The following MFSD11 variants were observed in gnomAD, a reference collection of about 807,000 sequenced individuals.
The protein encoded by MFSD11 is UNC93-like protein MFSD11.
Under a neutral mutation model 53.5 loss-of-function variants are expected in MFSD11, and 36 were observed. The observed-to-expected ratio is 0.67, with a 90% CI of 0.52 to 0.89. The LOEUF is 0.89. MFSD11 is among the 40% of genes least tolerant of loss of function. MFSD11 has a pLI of 0.00. For synonymous variants in MFSD11, 186 were observed against 184.9 expected (o/e 1.01, Z -0.05); for missense variants, 530 against 543.9 (o/e 0.97, Z 0.25).
intron 5 of MFSD11, 150 bp downstream of exon 5, chr17:76,742,423 A>T: frequency 3.0e-6 from 2 of 673,834 alleles, no homozygotes; most frequent in Non-Finnish European, 5.1e-6. Flanking sequence ...TTATAGAATC[A>T]CTTGTAATAA....
intron 8 of MFSD11, among the ~76,000 whole-genome samples, chr17:76,758,784 C>G (rs1258312365): frequency 6.6e-6 from 1 of 151,998 alleles, no homozygotes; most frequent in Non-Finnish European, 1.5e-5. Context: ...ATTGTTACAA[C>G]TTAAGTATAA....
At position 76,762,632 on chromosome 17, in the gene MFSD11, G is replaced by A. The variant is rs2080374233; in HGVS notation, c.683-4754G>A. 3.3e-5 allele frequency among the ~76,000 whole-genome samples: 5 copies of A among 149,744 alleles called. No individual in the cohort carries two copies. The South Asian group carries it at 1.1e-3, about 33-fold the overall frequency. ...GATCGCGCCACTGCACTCCAGCCTG[G>A]GCGACTGAGCGAGACTCCGTCTCCA... On this transcript the variant is annotated intron_variant, in intron 8 of 12. Transcript: ENST00000685175.
At chr17:76,769,935 T>A (rs2081240954) in intron 10 of MFSD11, 64 bp downstream of exon 10, 1 of 1,436,418 alleles carries the variant, frequency 7.0e-7, no homozygotes, top group Admixed American at 2.2e-5. Context: ...AATAGAAATT[T>A]TAAGTGTGCT....
At chr17:76,740,737 C>T (rs1380860990) in intron 2 of MFSD11, among the ~76,000 whole-genome samples, 1 of 152,156 alleles carries the variant, frequency 6.6e-6, no homozygotes, top group East Asian at 1.9e-4. Flanking sequence ...GTATTGTAGG[C>T]AGACTGATCC....
At chr17:76,766,504 G>C (rs994746310) in intron 8 of MFSD11, among the ~76,000 whole-genome samples, 2 of 151,506 alleles carry the variant, frequency 1.3e-5, no homozygotes, top group African/African-American at 2.4e-5. Flanking sequence ...TAAGTTAAAA[G>C]TATTGTTTTA....
chr17:76,782,543 A>G (rs1340546197), downstream of MFSD11, among the ~76,000 whole-genome samples: 2 of 142,526 alleles, frequency 1.4e-5, no homozygotes, highest in African/African-American at 2.7e-5. Context: ...CAGTGGCGCA[A>G]TCTCGGCTCA....
At position 76,751,909 on chromosome 17, in the gene MFSD11, A is replaced by C. The variant is rs2079083361; in HGVS notation, c.642-2138A>C. ...GTCTAAAATCACACAACTAATTAGC[A>C]GCAAAGCCAGGCCTCTGACTCCAAA... On this transcript the variant is annotated intron_variant, in intron 7 of 12. Transcript: ENST00000685175. 1.3e-5 allele frequency among the ~76,000 whole-genome samples: 2 copies of C among 152,188 alleles called. 1 individual carries two copies. The highest frequency in any genetic ancestry group is 4.1e-4 in the South Asian group (2 of 4,834).
Position 76,760,402 on chromosome 17 carries a change from G to A in MFSD11, c.682+6315G>A, listed in dbSNP as rs867486586. On this transcript the variant is annotated intron_variant, in intron 8 of 12. Transcript: ENST00000685175. ...AGAAGGAGGAGGAGGGAGGGGGTTGGTCTTGCTGTCTTGGTTGGCAGAGGC... is the reference window on the plus strand; with the variant it reads ...AGAAGGAGGAGGAGGGAGGGGGTTGATCTTGCTGTCTTGGTTGGCAGAGGC... Among the ~76,000 whole-genome samples, 3 of 152,252 alleles carry A rather than the reference G, an allele frequency of 2.0e-5. No individual in the cohort carries two copies. The South Asian group carries it at 6.2e-4, about 32-fold the overall frequency.
chr17:76,759,240 C>G (rs2079951312), intron 8 of MFSD11, among the ~76,000 whole-genome samples: 1 of 151,558 alleles, frequency 6.6e-6, no homozygotes, highest in African/African-American at 2.4e-5. Flanking sequence ...GGTGACAGAG[C>G]AAGAACTTGT....
Position 76,759,589 on chromosome 17 carries a change from G to A in MFSD11, c.682+5502G>A, listed in dbSNP as rs1456349071. 2.6e-5 allele frequency among the ~76,000 whole-genome samples: 4 copies of A among 152,050 alleles called. No individual in the cohort carries two copies. In the East Asian group the frequency reaches 7.8e-4, roughly 30 times the overall value. On this transcript the variant is annotated intron_variant, in intron 8 of 12. Coordinates refer to ENST00000685175, the MANE Select transcript of MFSD11 (RefSeq NM_001242532.5). ...CCTGCCTCAGCCTCCTGAGTAGCAGGGACTGCAGGTATGTAACACCATGCC... is the reference window on the plus strand; with the variant it reads ...CCTGCCTCAGCCTCCTGAGTAGCAGAGACTGCAGGTATGTAACACCATGCC...
intron 5 of MFSD11, 53 bp downstream of exon 5, chr17:76,742,326 A>T: frequency 6.7e-7 from 1 of 1,483,534 alleles, no homozygotes; most frequent in Non-Finnish European, 9.3e-7. Flanking sequence ...TTTTTCTGTC[A>T]TACCATTTTT....
intron 9 of MFSD11, among the ~76,000 whole-genome samples, 162 bp downstream of exon 9, chr17:76,767,613 C>T (rs1250357311): frequency 1.3e-5 from 2 of 152,156 alleles, no homozygotes; most frequent in Non-Finnish European, 2.9e-5. Flanking sequence ...GTTTCCTTCA[C>T]GTGTCGCCTT....
Position 76,743,416 on chromosome 17 carries a change from C to G in MFSD11, c.456C>G (p.Leu152=). ...CCCCCAGCTTGTTCTTTGGAAATCT[C>G]TACATATATTTTGCCTGGCAAGGGA... is the stretch of plus-strand genomic sequence containing the variant. ...LLQSSLFFGN[L]YIYFAWQGKT... Residue 152 remains leucine (L), a synonymous_variant, in exon 6 of 13, where the codon CTC becomes CTG. Coordinates refer to ENST00000685175, the MANE Select transcript of MFSD11 (RefSeq NM_001242532.5). 1.3e-6 allele frequency: 2 copies of G among 1,584,002 alleles called. No individual in the cohort carries two copies. Among genetic ancestry groups the G allele is most frequent in the South Asian group, 1.2e-5 (1 of 83,790 alleles).
chr17:76,799,106 G>A, the MFSD11 span: 10 of 151,918 alleles, frequency 6.6e-5, no homozygotes, highest in African/African-American at 2.4e-4. Context: ...AGGAATCTTG[G>A]AGAACATTTA....
At chr17:76,784,065 A>G (rs1438713232), downstream of MFSD11, among the ~76,000 whole-genome samples, 1 of 152,222 alleles carries the variant, frequency 6.6e-6, no homozygotes, top group Non-Finnish European at 1.5e-5. Flanking sequence ...CTGGGAAAAC[A>G]GTATGGCAGT....
At chr17:76,753,105 T>A (rs2079204123) in intron 7 of MFSD11, 1 of 151,930 alleles carries the variant, frequency 6.6e-6, no homozygotes, top group African/African-American at 2.4e-5. Context: ...CACATAGCAG[T>A]CGTCACCTGT....
At chr17:76,745,192 G>C (rs2078425925) in intron 7 of MFSD11, among the ~76,000 whole-genome samples, 1 of 152,158 alleles carries the variant, frequency 6.6e-6, no homozygotes, top group Non-Finnish European at 1.5e-5. Flanking sequence ...TTGCCTTATA[G>C]CATTTTATAT....
chr17:76,762,433 C>T (rs931783435), intron 8 of MFSD11, among the ~76,000 whole-genome samples: 1 of 152,128 alleles, frequency 6.6e-6, no homozygotes, highest in Non-Finnish European at 1.5e-5. Context: ...TTATAGACTC[C>T]ACGCAGAGTG....
Position 76,738,244 on chromosome 17 carries a change from T to A in MFSD11, c.-109T>A, listed in dbSNP as rs1457879305. The A allele has an allele frequency of 4.2e-6, 3 of 721,490 alleles. No individual in the cohort carries two copies. The highest frequency in any genetic ancestry group is 7.2e-6 in the Non-Finnish European group (3 of 417,198). The allele number at this position is 721,490 out of a possible 1,614,324, so 44.7% of individuals were successfully genotyped here. On this transcript the variant is annotated 5_prime_UTR_variant, in exon 1 of 13. Coordinates refer to ENST00000685175, the MANE Select transcript of MFSD11 (RefSeq NM_001242532.5). Reference sequence around the variant, plus strand: ...ACAGCTTGGCTGCCTGGCTCCTGCATCTGCCTTCTCCACTCACCATCTCAT... The same window carrying A: ...ACAGCTTGGCTGCCTGGCTCCTGCAACTGCCTTCTCCACTCACCATCTCAT...
Sources: gnomAD v4.1 joint callset for allele counts (sites outside exome capture counted in the v4.1 genomes callset) on GRCh38, gnomAD v4.1.1 for gene constraint, MANE v1.5 for transcripts, NCBI Gene and HGNC (gene_info 2026-07-23, HGNC 2026-07-21) for gene names.